The following RASA4 variants were observed in gnomAD, a reference collection of about 807,000 sequenced individuals.
The protein encoded by RASA4 is RAS p21 protein activator 4, also known as ras GTPase-activating protein 4.
RASA4 carries 5 observed loss-of-function variants against 24.0 expected under a neutral mutation model. The observed-to-expected ratio is 0.21, with a 90% CI of 0.11 to 0.44. The LOEUF (loss-of-function observed/expected upper bound fraction) is 0.44, where lower values mean the gene tolerates loss of function less well. RASA4 is among the 20% of genes least tolerant of loss of function. The pLI is 0.99. For synonymous variants in RASA4, 9 were observed against 132.7 expected, an observed-to-expected ratio of 0.07 and a Z score of 6.41; for missense variants, 38 against 293.0, an observed-to-expected ratio of 0.13 and a Z score of 6.35.
intron 5 of RASA4, among the ~76,000 whole-genome samples, chr7:102,603,071 C>T: frequency 7.2e-6 from 1 of 139,836 alleles, no homozygotes; most frequent in Non-Finnish European, 1.6e-5. Context: ...AGTAATTCTC[C>T]TGCCTCAGCC....
intron 4 of RASA4, among the ~76,000 whole-genome samples, chr7:102,606,395 C>CA (rs555519087): frequency 1.8e-4 from 10 of 55,480 alleles, no homozygotes; most frequent in East Asian, 8.5e-4. Flanking sequence ...GACCCCATCT[C>CA]AAAAAAAAAA....
In RASA4 at chr7:102,599,723, G is replaced by C. The variant is rs1267183380; in HGVS notation, c.737+137C>G. The C allele has an allele frequency of 1.5e-5, 4 of 266,716 alleles. No homozygotes were observed. In the Admixed American group the frequency reaches 2.0e-4, roughly 14 times the overall value. 16.5% of individuals were successfully genotyped at this position (266,716 alleles called of 1,614,324 possible). ...AAGGATGCTGGCTAGGTGGGCAGGG[G>C]CTGAGGGGACCCTGGAGCTGTGTCT... On this transcript the variant is annotated intron_variant, in intron 8 of 20. Coordinates refer to ENST00000262940, the MANE Select transcript of RASA4 (RefSeq NM_006989.6).
Position 102,595,774 on chromosome 7 carries a change from TGCCCTGG to T in RASA4, c.859_865del (p.Pro287SerfsTer2). On this transcript the variant is annotated frameshift_variant, in exon 10 of 21. Coordinates refer to ENST00000262940, the MANE Select transcript of RASA4 (RefSeq NM_006989.6). LOFTEE classifies it high-confidence loss of function. ...TGTCTCCTCGATGAGTGGGATCAGC[TGCCCTGG>T]GCCCTGCAGGGAGAGGCACGGGGGA... The T allele has an allele frequency of 4.7e-4, 603 of 1,292,800 alleles. No homozygotes were observed. Among genetic ancestry groups the T allele is most frequent in the African/African-American group, 1.5e-3 (91 of 59,502 alleles). The allele number at this position is 1,292,800 out of a possible 1,614,324, so 80.1% of individuals were successfully genotyped here.
chr7:102,590,765 ACT>A (rs1789943511), intron 16 of RASA4, among the ~76,000 whole-genome samples: 1 of 144,582 alleles, frequency 6.9e-6, no homozygotes, highest in Non-Finnish European at 1.5e-5. Context: ...ACATGGAGAA[ACT>A]CTGTGTCTAC....
intron 5 of RASA4, among the ~76,000 whole-genome samples, 161 bp from the exon 6 acceptor site, chr7:102,602,566 C>G (rs1407882259): frequency 1.3e-4 from 5 of 37,108 alleles, no homozygotes; most frequent in African/African-American, 5.3e-4. Flanking sequence ...TTTCTGGGCC[C>G]TGCTCCCATA....
Position 102,581,047 on chromosome 7 carries a change from T to A in RASA4, c.*1724A>T, listed in dbSNP as rs1789673094. The A allele has an allele frequency of 6.7e-6, 1 of 149,040 alleles. No individual in the cohort carries two copies. The highest frequency in any genetic ancestry group is 2.4e-5 in the African/African-American group (1 of 41,054). 9.2% of individuals were successfully genotyped at this position (149,040 alleles called of 1,614,324 possible). On this transcript the variant is annotated 3_prime_UTR_variant, in exon 21 of 21. Transcript: ENST00000262940. ...GAGATAACAGGATAAAGGTGAGGAATGAAGGAATGAATGGATGCAGGCAGA... is the reference window on the plus strand; with the variant it reads ...GAGATAACAGGATAAAGGTGAGGAAAGAAGGAATGAATGGATGCAGGCAGA...
At position 102,580,060 on chromosome 7, in the gene RASA4, G is replaced by A. The variant is rs1442556856; in HGVS notation, c.*2711C>T. 5 of 318,132 alleles carry A rather than the reference G, an allele frequency of 1.6e-5. 1 individual carries two copies. The highest frequency in any genetic ancestry group is 2.5e-5 in the Non-Finnish European group (4 of 162,612). The allele number at this position is 318,132 out of a possible 1,614,324, so 19.7% of individuals were successfully genotyped here. A position where few individuals can be genotyped will look rare whatever the true frequency, so the allele number is the denominator to read the frequency against. ...AGCCTGCCAAGTAGCTGGGATTACA[G>A]GCATGTGCCACTGTGCCCAGCCAAG... On this transcript the variant is annotated 3_prime_UTR_variant, in exon 21 of 21. Transcript: ENST00000262940.
At chr7:102,603,677 C>T (rs1475938585) in intron 5 of RASA4, among the ~76,000 whole-genome samples, 1 of 152,240 alleles carries the variant, frequency 6.6e-6, no homozygotes, top group Admixed American at 6.5e-5. Flanking sequence ...TCTAATAAAA[C>T]CCCAACATTG....
At chr7:102,591,814 T>G in intron 16 of RASA4, among the ~76,000 whole-genome samples, 1 of 147,142 alleles carries the variant, frequency 6.8e-6, no homozygotes, top group Non-Finnish European at 1.5e-5. Context: ...CCTGGTAAGG[T>G]CGGATCAACT....
At chr7:102,594,874 T>G (rs1790117908) in intron 11 of RASA4, among the ~76,000 whole-genome samples, 1 of 50,194 alleles carries the variant, frequency 2.0e-5, no homozygotes, top group Non-Finnish European at 6.3e-5. Context: ...CACACACACA[T>G]TCTCTTTGGG....
intron 14 of RASA4, 26 bp downstream of exon 14, chr7:102,593,672 GCTGTGCATC>G (rs1790103334): frequency 4.4e-6 from 1 of 226,772 alleles, no homozygotes; most frequent in East Asian, 1.0e-4. Flanking sequence ...AGGACACCCA[GCTGTGCATC>G]CCGCCCGTGG....
intron 8 of RASA4, among the ~76,000 whole-genome samples, 168 bp downstream of exon 8, chr7:102,599,692 G>C (rs1432933857): frequency 7.0e-6 from 1 of 142,932 alleles, no homozygotes; most frequent in Non-Finnish European, 1.6e-5. Context: ...GCCCAGCCAG[G>C]ATGAGAAGGA....
chr7:102,580,188 A>C lies in RASA4; in HGVS notation c.*2583T>G. 1 of 187,606 alleles carries C rather than the reference A, an allele frequency of 5.3e-6. No individual in the cohort carries two copies. Among genetic ancestry groups the C allele is most frequent in the South Asian group, 7.8e-5 (1 of 12,902 alleles). 11.6% of individuals were successfully genotyped at this position (187,606 alleles called of 1,614,324 possible). ...CCTCATAAAAAGATCATTTCTTAAC[A>C]TTTTGTTTTGTTGCAATTGGTTGCT... On this transcript the variant is annotated 3_prime_UTR_variant, in exon 21 of 21. Transcript: ENST00000262940.
intron 5 of RASA4, among the ~76,000 whole-genome samples, chr7:102,604,097 G>A (rs1790502753): frequency 1.4e-5 from 2 of 145,582 alleles, no homozygotes; most frequent in African/African-American, 4.9e-5. Flanking sequence ...CCAGAAGGTG[G>A]AGGTTGCAGT....
chr7:102,585,728 GAGA>G lies in RASA4; in HGVS notation c.2105-1393_2105-1391del, dbSNP rs1477656644. Among the ~76,000 whole-genome samples the G allele has an allele frequency of 3.5e-5, 4 of 115,584 alleles. No homozygotes were observed. In the East Asian group the frequency reaches 1.3e-3, roughly 36 times the overall value. 75.8% of individuals were successfully genotyped at this position (115,584 alleles called of 152,430 possible). A position where few individuals can be genotyped will look rare whatever the true frequency, so the allele number is the denominator to read the frequency against. On this transcript the variant is annotated intron_variant, in intron 18 of 20. Transcript: ENST00000262940. ...CTGTAAAGTAAGTGTGGATAACAGG[GAGA>G]AGGTCTCGAAAGTTCTAGAACTGTG...
chr7:102,603,777 G>A (rs1299568589), intron 5 of RASA4, among the ~76,000 whole-genome samples: 2 of 150,214 alleles, frequency 1.3e-5, no homozygotes, highest in Non-Finnish European at 3.0e-5. Context: ...GGAGGCAGAG[G>A]TTGCAGTGAG....
chr7:102,602,827 A>G (rs2133467372), intron 5 of RASA4, among the ~76,000 whole-genome samples: 1 of 116,726 alleles, frequency 8.6e-6, no homozygotes, highest in Admixed American at 9.2e-5. Flanking sequence ...TTAGGGAGAG[A>G]GTGTGCTTCT....
At chr7:102,612,168 C>CAGGAG (rs1486892850) in intron 1 of RASA4, 1 of 17,886 alleles carries the variant, frequency 5.6e-5, no homozygotes, top group Non-Finnish European at 1.1e-4. Flanking sequence ...TCCCTCGCCC[C>CAGGAG]AGGACGGGAC....
At chr7:102,603,672 T>C in intron 5 of RASA4, among the ~76,000 whole-genome samples, 1 of 152,274 alleles carries the variant, frequency 6.6e-6, no homozygotes, top group Admixed American at 6.5e-5. Flanking sequence ...GACTGTCTAA[T>C]AAAACCCCAA....
Sources: allele counts gnomAD v4.1 joint callset (sites outside exome capture counted in the v4.1 genomes callset), GRCh38; gene constraint gnomAD v4.1.1; transcripts MANE v1.5; gene names NCBI Gene and HGNC (gene_info 2026-07-23, HGNC 2026-07-21).